Variants in PHACTR2 observed in about 807,000 individuals in gnomAD.
PHACTR2 encodes phosphatase and actin regulator 2, also known as chromosome 6 open reading frame 56.
In PHACTR2, 30 loss-of-function variants were observed where a neutral mutation model predicts 76.0. The observed-to-expected ratio is 0.39, with a 90% CI of 0.30 to 0.54. The LOEUF (loss-of-function observed/expected upper bound fraction) is 0.54. Among genes scored for constraint, PHACTR2 ranks in the 20% least tolerant of loss-of-function variants. The probability of loss-of-function intolerance (pLI) is 0.61; values close to 1 mark genes in which losing one functional copy is unlikely to be tolerated. For missense variants in PHACTR2, 696 were observed against 781.1 expected (o/e 0.89, Z 1.30); for synonymous variants, 292 against 292.5 (o/e 1.00, Z 0.02).
Position 143,755,105 on chromosome 6 carries a change from C to T in PHACTR2, c.454+1193C>T, listed in dbSNP as rs959851996. ...GTATTATTTTGCTTTATTTCAAGGG[C>T]TTTATCTAGCCTTGTTCCATTGAAG... On this transcript the variant is annotated intron_variant, in intron 4 of 12. Coordinates refer to ENST00000440869, the MANE Select transcript of PHACTR2 (RefSeq NM_001100164.2). The surrounding 1 kb of genome is among the most constrained non-coding windows in gnomAD (Gnocchi z 5.2). 6.6e-6 allele frequency among the ~76,000 whole-genome samples: 1 copy of T among 152,130 alleles called. No homozygotes were observed. Among genetic ancestry groups the T allele is most frequent in the African/African-American group, 2.4e-5 (1 of 41,422 alleles).
At position 143,788,865 on chromosome 6, in the gene PHACTR2, C is replaced by T. The variant is rs1261228239; in HGVS notation, c.1800C>T (p.Asp600=). ...AAGTCACGGATTCTCCTGACTATGA[C>T]CGCCGAGCAGACAAGCCCTGGGCCA... ...YVEVTDSPDY[D]RRADKPWARL... The change falls in exon 11 of 13, where the codon GAC becomes GAT. Residue 600 remains aspartate (D), a synonymous_variant. Coordinates refer to ENST00000440869, the MANE Select transcript of PHACTR2 (RefSeq NM_001100164.2). 1 of 1,613,604 alleles carries T rather than the reference C, an allele frequency of 6.2e-7. No homozygotes were observed. The highest frequency in any genetic ancestry group is 2.2e-5 in the East Asian group (1 of 44,894).
At chr6:143,575,547 C>T (rs571707165) in intron 1 of PHACTR2, among the ~76,000 whole-genome samples, 5 of 152,256 alleles carry the variant, frequency 3.3e-5, no homozygotes, top group Non-Finnish European at 5.9e-5. Context: ...CTAGATGGTG[C>T]AGTGGTCATA....
At chr6:143,584,164 C>T (rs895719406) in intron 1 of PHACTR2, among the ~76,000 whole-genome samples, 2 of 152,200 alleles carry the variant, frequency 1.3e-5, no homozygotes, top group South Asian at 2.1e-4. Flanking sequence ...ATTCTTTTTA[C>T]CCTGCATCAT....
chr6:143,620,264 C>T (rs1776129626), intron 1 of PHACTR2, among the ~76,000 whole-genome samples: 2 of 152,140 alleles, frequency 1.3e-5, no homozygotes, highest in African/African-American at 4.8e-5. Flanking sequence ...AAAGGTGTCT[C>T]TTATACTAAC....
rs1778763196 is a variant in PHACTR2, at chr6:143,733,983, C to T, written c.215-15002C>T. ...CTATGTGCTCTAAATATAAAGGAGA[C>T]TAATTATTTCTCCCCTTTTCTTCTC... On this transcript the variant is annotated intron_variant, in intron 2 of 12. Coordinates refer to ENST00000440869, the MANE Select transcript of PHACTR2 (RefSeq NM_001100164.2). The surrounding 1 kb of genome is among the most constrained non-coding windows in gnomAD (Gnocchi z 4.0). Among the ~76,000 whole-genome samples the T allele has an allele frequency of 6.6e-6, 1 of 152,098 alleles. No homozygotes were observed. The highest frequency in any genetic ancestry group is 1.5e-5 in the Non-Finnish European group (1 of 68,014).
rs533400962 is a variant in PHACTR2 at position 143,648,325 on chromosome 6, G to A, written c.13+40003G>A. Among the ~76,000 whole-genome samples the A allele has an allele frequency of 3.5e-4, 54 of 152,314 alleles. No homozygotes were observed. The highest frequency in any genetic ancestry group is 6.5e-4 in the Non-Finnish European group (44 of 68,036). On this transcript the variant is annotated intron_variant, in intron 1 of 11. Transcript: ENST00000305766. This position sits in a 1 kb window ranked among gnomAD's most constrained non-coding sequence, Gnocchi z 6.7. ...CTGCATTTCCCTGGGAGCTCAATTA[G>A]TCATCACTTTGCCTTATTATTTACT...
chr6:143,719,341 C>T (rs1268667978), intron 2 of PHACTR2, among the ~76,000 whole-genome samples: 4 of 139,606 alleles, frequency 2.9e-5, no homozygotes, highest in African/African-American at 2.7e-5. Flanking sequence ...GCTTTGTGTT[C>T]GACACTTCTT....
At chr6:143,771,190 GTGTGTATATA>G (rs1775115051) in intron 6 of PHACTR2, among the ~76,000 whole-genome samples, 2 of 22,452 alleles carry the variant, frequency 8.9e-5, no homozygotes, top group African/African-American at 5.1e-4. Context: ...ATATATATAT[GTGTGTATATA>G]TATATATATA....
rs1775743066 is a variant in PHACTR2 at position 143,595,732 on chromosome 6, T to A, written c.217+58525T>A. ...GGACTAGAGGTGGTTTTGTTGTTGT[T>A]TTTAAAGAGAGAAAAAAGTGCTGTT... On this transcript the variant is annotated intron_variant, in intron 1 of 11. Coordinates refer to the PHACTR2 transcript ENST00000367584. This position sits in a 1 kb window ranked among gnomAD's most constrained non-coding sequence, Gnocchi z 4.2. 6.6e-6 allele frequency among the ~76,000 whole-genome samples: 1 copy of A among 152,186 alleles called. No homozygotes were observed. Among genetic ancestry groups the A allele is most frequent in the Non-Finnish European group, 1.5e-5 (1 of 68,038 alleles).
At chr6:143,713,216 C>CA (rs1318634934) in intron 2 of PHACTR2, among the ~76,000 whole-genome samples, 1 of 151,902 alleles carries the variant, frequency 6.6e-6, no homozygotes, top group Non-Finnish European at 1.5e-5. Flanking sequence ...CAAAGCTCCC[C>CA]AAAAAAGTGG....
At chr6:143,737,124 T>C (rs2128466950) in intron 2 of PHACTR2, among the ~76,000 whole-genome samples, 1 of 151,696 alleles carries the variant, frequency 6.6e-6, no homozygotes, top group African/African-American at 2.4e-5. Flanking sequence ...TCTATATAAA[T>C]ATTATATAGG....
intron 1 of PHACTR2, among the ~76,000 whole-genome samples, chr6:143,544,843 C>G (rs1224533799): frequency 6.6e-6 from 1 of 151,980 alleles, no homozygotes; most frequent in African/African-American, 2.4e-5. Context: ...CATTAAGTAT[C>G]TATAAATCAA....
Position 143,765,254 on chromosome 6 carries a change from A to G in PHACTR2, c.695-7A>G, listed in dbSNP as rs1405036278. 4.4e-6 allele frequency: 7 copies of G among 1,607,244 alleles called. No individual in the cohort carries two copies. Among genetic ancestry groups the G allele is most frequent in the Non-Finnish European group, 5.1e-6 (6 of 1,176,386 alleles). On this transcript the variant is annotated splice_region_variant and splice_polypyrimidine_tract_variant and intron_variant, in intron 5 of 12. Coordinates refer to ENST00000440869, the MANE Select transcript of PHACTR2 (RefSeq NM_001100164.2). This position sits in a 1 kb window ranked among gnomAD's most constrained non-coding sequence, Gnocchi z 4.1. Reference sequence around the variant, plus strand: ...TGATTTTTTAATGCAAGGTCTCTCTATTGTAGCTGGCTCCTCTCATTCAAA... The same window carrying G: ...TGATTTTTTAATGCAAGGTCTCTCTGTTGTAGCTGGCTCCTCTCATTCAAA...
At position 143,764,973 on chromosome 6, in the gene PHACTR2, A is replaced by G. The variant is rs1359673588; in HGVS notation, c.695-288A>G. Among the ~76,000 whole-genome samples the G allele has an allele frequency of 6.6e-6, 1 of 152,174 alleles. No homozygotes were observed. The highest frequency in any genetic ancestry group is 1.5e-5 in the Non-Finnish European group (1 of 68,028). On this transcript the variant is annotated intron_variant, in intron 5 of 12. Coordinates refer to ENST00000440869, the MANE Select transcript of PHACTR2 (RefSeq NM_001100164.2). The surrounding 1 kb of genome is among the most constrained non-coding windows in gnomAD (Gnocchi z 4.7). ...TTCAAGTGAACCATAGACAAGGGGC[A>G]GAAGATTCTCCCTTTGGCTGGCTCA...
Position 143,589,074 on chromosome 6 carries a change from A to G in PHACTR2, c.217+51867A>G, listed in dbSNP as rs1469512429. Among the ~76,000 whole-genome samples the G allele has an allele frequency of 6.6e-6, 1 of 152,194 alleles. No individual in the cohort carries two copies. The highest frequency in any genetic ancestry group is 1.5e-5 in the Non-Finnish European group (1 of 68,030). ...TGCCACAGATTGGGTGGCTTAAATA[A>G]CAGAAATTTATTTTCTCACAGCTCT... is the stretch of plus-strand genomic sequence containing the variant. On this transcript the variant is annotated intron_variant, in intron 1 of 11. Coordinates refer to the PHACTR2 transcript ENST00000367584. This position sits in a 1 kb window ranked among gnomAD's most constrained non-coding sequence, Gnocchi z 4.4.
chr6:143,559,503 T>G (rs547018626), intron 1 of PHACTR2, among the ~76,000 whole-genome samples: 1 of 152,268 alleles, frequency 6.6e-6, no homozygotes, highest in African/African-American at 2.4e-5. Flanking sequence ...CCACTCCTAA[T>G]TCTTTCTGGA....
In PHACTR2 at chr6:143,550,521, A is replaced by T. The variant is rs947066119; in HGVS notation, c.217+13314A>T. 6.6e-6 allele frequency among the ~76,000 whole-genome samples: 1 copy of T among 151,996 alleles called. No individual in the cohort carries two copies. Among genetic ancestry groups the T allele is most frequent in the African/African-American group, 2.4e-5 (1 of 41,436 alleles). On this transcript the variant is annotated intron_variant, in intron 1 of 11. Transcript: ENST00000367584. This position sits in a 1 kb window ranked among gnomAD's most constrained non-coding sequence, Gnocchi z 4.8. ...CGGAGGGTGTCATGCTTTTTCATGA[A>T]GTTTTTTGATGAAGTATCTAAACTA... is the stretch of plus-strand genomic sequence containing the variant.
rs767948682 is a variant in PHACTR2, at chr6:143,618,380, T to G, written c.13+10058T>G. Among the ~76,000 whole-genome samples the G allele has an allele frequency of 2.6e-5, 4 of 152,130 alleles. No individual in the cohort carries two copies. Among genetic ancestry groups the G allele is most frequent in the Non-Finnish European group, 5.9e-5 (4 of 68,020 alleles). ...GCTTTGATAACTTGCTTTTCTGGCG[T>G]TTTGGTTAATAAATGGTGTTTTTTA... On this transcript the variant is annotated intron_variant, in intron 1 of 11. Transcript: ENST00000305766. This position sits in a 1 kb window ranked among gnomAD's most constrained non-coding sequence, Gnocchi z 5.2.
At chr6:143,699,865 C>T (rs1173463429) in intron 1 of PHACTR2, among the ~76,000 whole-genome samples, 2 of 152,190 alleles carry the variant, frequency 1.3e-5, no homozygotes, top group Non-Finnish European at 2.9e-5. Context: ...GCTATAAGGA[C>T]GTAAATCTGG....
Sources: allele counts gnomAD v4.1 joint callset (sites outside exome capture counted in the v4.1 genomes callset), GRCh38; gene constraint gnomAD v4.1.1; non-coding constraint Gnocchi (gnomAD v3.1); transcripts MANE v1.5; gene names NCBI Gene and HGNC (gene_info 2026-07-23, HGNC 2026-07-21).